Variants in LMX1A observed in about 807,000 individuals in gnomAD.
The protein encoded by LMX1A is LIM homeobox transcription factor 1-alpha.
A neutral mutation model predicts 49.1 loss-of-function variants in LMX1A; 15 were observed. The ratio of observed to expected loss-of-function variants is 0.31; its 90% confidence interval spans 0.20 to 0.47. The LOEUF (loss-of-function observed/expected upper bound fraction) is 0.47, where lower values mean the gene tolerates loss of function less well. Among genes scored for constraint, LMX1A ranks in the 20% least tolerant of loss-of-function variants. The probability of loss-of-function intolerance (pLI) is 1.00; values close to 1 mark genes in which losing one functional copy is unlikely to be tolerated. For synonymous variants in LMX1A, 167 were observed against 185.7 expected, an observed-to-expected ratio of 0.90 and a Z score of 0.82; for missense variants, 372 against 475.8, an observed-to-expected ratio of 0.78 and a Z score of 2.03.
chr1:165,242,810 G>A (rs544915001), intron 4 of LMX1A, among the ~76,000 whole-genome samples: 90 of 151,266 alleles, frequency 5.9e-4, no homozygotes, highest in African/African-American at 2.1e-3. Flanking sequence ...GGTGCCTATA[G>A]TCCCAGCTAC....
chr1:165,294,947 G>A (rs1006384386), intron 3 of LMX1A, among the ~76,000 whole-genome samples: 2 of 152,220 alleles, frequency 1.3e-5, no homozygotes, highest in Middle Eastern at 3.4e-3. Flanking sequence ...CTGGGTGACA[G>A]AGCAAGACTC....
At chr1:165,309,489 G>C (rs1655013693) in intron 3 of LMX1A, among the ~76,000 whole-genome samples, 1 of 152,184 alleles carries the variant, frequency 6.6e-6, no homozygotes, top group Non-Finnish European at 1.5e-5. Flanking sequence ...CTGCCTCAAA[G>C]CCAACAACAG....
chr1:165,284,976 T>C lies in LMX1A; in HGVS notation c.264-35336A>G, dbSNP rs530062581. Reference sequence around the variant, plus strand: ...AAGAGTGCTTCAGTCTCTCTATCTGTGAAATGGGTTGACCTTGCCTGGCTA... The same window carrying C: ...AAGAGTGCTTCAGTCTCTCTATCTGCGAAATGGGTTGACCTTGCCTGGCTA... On this transcript the variant is annotated intron_variant, in intron 3 of 8. Coordinates refer to ENST00000342310, the MANE Select transcript of LMX1A (RefSeq NM_177398.4). 2.0e-3 allele frequency among the ~76,000 whole-genome samples: 311 copies of C among 152,318 alleles called. 2 individuals carry two copies. Among genetic ancestry groups the C allele is most frequent in the Non-Finnish European group, 3.3e-3 (224 of 68,018 alleles).
chr1:165,291,947 A>C (rs111231541), intron 3 of LMX1A, among the ~76,000 whole-genome samples: 28 of 150,858 alleles, frequency 1.9e-4, no homozygotes, highest in African/African-American at 6.8e-4. Flanking sequence ...TTGTAGTCCC[A>C]GCTACACGGG....
intron 4 of LMX1A, among the ~76,000 whole-genome samples, chr1:165,245,869 G>A (rs1343548): frequency 0.62 from 93,281 of 151,484 alleles, 29,332 homozygotes; most frequent in Middle Eastern, 0.72. Flanking sequence ...TTGAACATCG[G>A]GAGTATCCAC....
intron 4 of LMX1A, among the ~76,000 whole-genome samples, chr1:165,243,733 C>T (rs936738249): frequency 1.2e-4 from 19 of 152,106 alleles, no homozygotes; most frequent in African/African-American, 2.9e-4. Flanking sequence ...ATACGGAGAC[C>T]GATGTTGGAA....
chr1:165,213,518 G>T, intron 5 of LMX1A, 123 bp downstream of exon 5: 1 of 892,574 alleles, frequency 1.1e-6, no homozygotes, highest in Non-Finnish European at 1.7e-6. Context: ...CGCCTGTGCA[G>T]GCTCTGTCTG....
In LMX1A at chr1:165,203,973, G is replaced by C. The variant is rs1398992163; in HGVS notation, c.1056C>G (p.Phe352Leu). ...DTSLSNLGDCFLATSEAGPLQ... is the reference protein window; with the variant it reads ...DTSLSNLGDCLLATSEAGPLQ... ...GAGGCCCAGCTTCTGAGGTTGCTAG[G>C]AAACAATCACCCAGGTTACTGAGGG... The change falls in exon 9 of 9, where the codon TTC becomes TTG. Residue 352 changes from phenylalanine to leucine, a missense_variant. By Grantham distance (22) the Phe-to-Leu change is conservative. Transcript: ENST00000342310. 2.5e-6 allele frequency: 4 copies of C among 1,614,146 alleles called. No individual in the cohort carries two copies. The highest frequency in any genetic ancestry group is 1.7e-6 in the Non-Finnish European group (2 of 1,180,016).
chr1:165,341,687 G>T (rs1340601972), intron 3 of LMX1A, among the ~76,000 whole-genome samples: 1 of 151,696 alleles, frequency 6.6e-6, no homozygotes, highest in Non-Finnish European at 1.5e-5. Flanking sequence ...AGATAACCTG[G>T]TTTTCTATCC....
chr1:165,203,013 G>T lies in LMX1A; in HGVS notation c.*867C>A, dbSNP rs1650911014. On this transcript the variant is annotated 3_prime_UTR_variant, in exon 9 of 9. Coordinates refer to ENST00000342310, the MANE Select transcript of LMX1A (RefSeq NM_177398.4). ...CACATTTGCAGATGCTGAAGCTCAA[G>T]AGCTGAACCAATCATCCTAGCACTG... The T allele has an allele frequency of 6.6e-6, 1 of 152,648 alleles. No individual in the cohort carries two copies. Among genetic ancestry groups the T allele is most frequent in the Non-Finnish European group, 1.5e-5 (1 of 68,060 alleles). The allele number at this position is 152,648 out of a possible 1,614,324, so 9.5% of individuals were successfully genotyped here.
chr1:165,292,601 A>G (rs1654505759), intron 3 of LMX1A, among the ~76,000 whole-genome samples: 1 of 152,250 alleles, frequency 6.6e-6, no homozygotes, highest in African/African-American at 2.4e-5. Context: ...TGGTTTGTAC[A>G]TTAAAATGCC....
chr1:165,331,954 C>T (rs76385334), intron 3 of LMX1A, among the ~76,000 whole-genome samples: 4,169 of 151,992 alleles, frequency 0.027, 199 homozygotes, highest in African/African-American at 0.095. Flanking sequence ...AAATAAAGAA[C>T]ACAGAGGGGA....
intron 3 of LMX1A, among the ~76,000 whole-genome samples, chr1:165,251,323 T>C (rs1288220281): frequency 6.6e-6 from 1 of 152,160 alleles, no homozygotes; most frequent in East Asian, 1.9e-4. Context: ...CCTCAAGTGA[T>C]CCTCCCACCT....
intron 4 of LMX1A, among the ~76,000 whole-genome samples, chr1:165,223,739 G>T (rs10800076): frequency 7.3e-5 from 11 of 150,758 alleles, no homozygotes; most frequent in African/African-American, 2.7e-4. Context: ...AGACAATTTT[G>T]TATGTTGTCT....
chr1:165,276,072 G>A (rs1436106213), intron 3 of LMX1A, among the ~76,000 whole-genome samples: 4 of 151,948 alleles, frequency 2.6e-5, no homozygotes, highest in Non-Finnish European at 5.9e-5. Flanking sequence ...AGAGGGGGAG[G>A]GGCCAAGATG....
chr1:165,338,964 A>G (rs1655982365), intron 3 of LMX1A, among the ~76,000 whole-genome samples: 1 of 152,326 alleles, frequency 6.6e-6, no homozygotes, highest in South Asian at 2.1e-4. Flanking sequence ...TGTCAAAACA[A>G]TTAATTCTCC....
chr1:165,254,248 A>T (rs1374840590), intron 3 of LMX1A, among the ~76,000 whole-genome samples: 1 of 151,986 alleles, frequency 6.6e-6, no homozygotes, highest in Non-Finnish European at 1.5e-5. Flanking sequence ...CACTCCAAAA[A>T]TTTCCCCCAA....
chr1:165,241,107 A>T (rs995991943), intron 4 of LMX1A, among the ~76,000 whole-genome samples: 2 of 152,162 alleles, frequency 1.3e-5, no homozygotes, highest in African/African-American at 4.8e-5. Context: ...GCTAGCTAGG[A>T]TGTTCAGAAA....
chr1:165,225,971 G>C (rs1216969583), intron 4 of LMX1A, among the ~76,000 whole-genome samples: 1 of 152,168 alleles, frequency 6.6e-6, no homozygotes, highest in Non-Finnish European at 1.5e-5. Flanking sequence ...ATTTCAACCA[G>C]CTCTTCAGAG....
Sources: allele counts gnomAD v4.1 joint callset (sites outside exome capture counted in the v4.1 genomes callset), GRCh38; gene constraint gnomAD v4.1.1; transcripts MANE v1.5; gene names NCBI Gene and HGNC (gene_info 2026-07-23, HGNC 2026-07-21).